NALCN: variants seen among roughly 807,000 people sequenced by gnomAD.
The protein encoded by NALCN is sodium leak channel, non-selective.
A neutral mutation model predicts 225.3 loss-of-function variants in NALCN; 111 were observed. The observed-to-expected ratio is 0.49, with a 90% CI of 0.42 to 0.58. NALCN has a LOEUF of 0.58. NALCN is among the 20% of genes least tolerant of loss of function. NALCN has a pLI of 0.00. For missense variants in NALCN, 1,378 were observed against 2,202.4 expected (o/e 0.63, Z 7.49); for synonymous variants, 764 against 769.0 (o/e 0.99, Z 0.11).
intron 26 of NALCN, among the ~76,000 whole-genome samples, chr13:101,101,679 A>G (rs2034830769): frequency 6.6e-6 from 1 of 152,168 alleles, no homozygotes; most frequent in Non-Finnish European, 1.5e-5. Context: ...TTCTATGCAT[A>G]GAGGAGAGGA....
intron 6 of NALCN, among the ~76,000 whole-genome samples, chr13:101,352,782 T>C (rs2045942618): frequency 6.6e-6 from 1 of 152,204 alleles, no homozygotes. Context: ...ATACCTATGA[T>C]AGGAATTTAT....
At chr13:101,311,274 G>A (rs1170041808) in intron 7 of NALCN, among the ~76,000 whole-genome samples, 2 of 151,714 alleles carry the variant, frequency 1.3e-5, no homozygotes, top group East Asian at 1.9e-4. Flanking sequence ...AGACAATGGG[G>A]TTTTCTAGAT....
At chr13:101,144,355 C>T (rs1207644006) in intron 16 of NALCN, among the ~76,000 whole-genome samples, 1 of 152,136 alleles carries the variant, frequency 6.6e-6, no homozygotes, top group Non-Finnish European at 1.5e-5. Flanking sequence ...TGTGGTTTCC[C>T]TGTTTGCTTG....
At chr13:101,361,276 G>A (rs114887065) in intron 6 of NALCN, among the ~76,000 whole-genome samples, 4,988 of 152,226 alleles carry the variant, frequency 0.033, 282 homozygotes, top group African/African-American at 0.11. Context: ...TATCGATTCT[G>A]TGGAGGCGGC....
chr13:101,347,919 C>T (rs1256678666), intron 6 of NALCN, among the ~76,000 whole-genome samples: 1 of 152,056 alleles, frequency 6.6e-6, no homozygotes, highest in Non-Finnish European at 1.5e-5. Context: ...TAAATCCCAG[C>T]ATGTAAAAAC....
chr13:101,354,926 T>A (rs1432637975), intron 6 of NALCN, among the ~76,000 whole-genome samples: 1 of 152,086 alleles, frequency 6.6e-6, no homozygotes, highest in Admixed American at 6.6e-5. Flanking sequence ...GCGCTGGAGG[T>A]GGGGCCTGGT....
intron 7 of NALCN, among the ~76,000 whole-genome samples, chr13:101,332,416 A>AAAAAAAAAAAAAAAAAAAG (rs1566585402): frequency 6.7e-6 from 1 of 149,140 alleles, no homozygotes. Context: ...AAAAAAAAAA[A>AAAAAAAAAAAAAAAAAAAG]AAAAGGAAAG....
chr13:101,406,641 C>T (rs1029030156), intron 1 of NALCN, among the ~76,000 whole-genome samples: 1 of 152,190 alleles, frequency 6.6e-6, no homozygotes, highest in Non-Finnish European at 1.5e-5. Context: ...TTTCTCACCA[C>T]ACACTTATAA....
chr13:101,337,563 C>T (rs2045421752), intron 7 of NALCN, among the ~76,000 whole-genome samples: 1 of 152,172 alleles, frequency 6.6e-6, no homozygotes, highest in South Asian at 2.1e-4. Flanking sequence ...CTGCCTCAGC[C>T]TCCCAAAGTG....
At chr13:101,413,102 T>C (rs781423038) in intron 1 of NALCN, among the ~76,000 whole-genome samples, 1 of 152,206 alleles carries the variant, frequency 6.6e-6, no homozygotes, top group African/African-American at 2.4e-5. Context: ...CAACACTTTT[T>C]GTAAAAGGGT....
At chr13:101,284,109 TC>T in intron 9 of NALCN, 90 bp from the exon 10 acceptor site, 1 of 1,116,198 alleles carries the variant, frequency 9.0e-7, no homozygotes, top group Non-Finnish European at 1.2e-6. Flanking sequence ...TTTTATGTTA[TC>T]AAAAATTTGT....
Position 101,267,422 on chromosome 13 carries a change from G to A in NALCN, c.1135-8848C>T, listed in dbSNP as rs76654671. On this transcript the variant is annotated intron_variant, in intron 10 of 43. Coordinates refer to ENST00000251127, the MANE Select transcript of NALCN (RefSeq NM_052867.4). ...CTCTTAGCCTGTGTGAAAAAACCCA[G>A]TGGCCTCCAATTGAATTCACCTCCC... 5.4e-3 allele frequency among the ~76,000 whole-genome samples: 826 copies of A among 152,258 alleles called. 2 individuals carry two copies. Among genetic ancestry groups the A allele is most frequent in the South Asian group, 1.0e-2 (48 of 4,820 alleles).
chr13:101,365,382 C>A (rs1294052100), intron 6 of NALCN, among the ~76,000 whole-genome samples: 5 of 152,244 alleles, frequency 3.3e-5, no homozygotes, highest in African/African-American at 1.2e-4. Context: ...TAGTCTCATT[C>A]TTTCTCATGG....
chr13:101,385,220 G>A (rs571756408), intron 3 of NALCN, among the ~76,000 whole-genome samples: 52 of 152,102 alleles, frequency 3.4e-4, no homozygotes, highest in African/African-American at 1.3e-3. Flanking sequence ...CCACTCCTTT[G>A]TGCCTCATAT....
At chr13:101,127,304 A>G (rs2036282411) in intron 17 of NALCN, among the ~76,000 whole-genome samples, 1 of 152,188 alleles carries the variant, frequency 6.6e-6, no homozygotes, top group African/African-American at 2.4e-5. Context: ...CAGAGGTAGC[A>G]GGAGAATCAA....
At chr13:101,135,876 GC>G (rs1301570828) in intron 17 of NALCN, among the ~76,000 whole-genome samples, 1 of 152,138 alleles carries the variant, frequency 6.6e-6, no homozygotes, top group Non-Finnish European at 1.5e-5. Flanking sequence ...TTTAGCAGCG[GC>G]CTTAACTCCT....
chr13:101,137,676 T>G (rs1343781718), intron 17 of NALCN, among the ~76,000 whole-genome samples: 3 of 152,126 alleles, frequency 2.0e-5, no homozygotes, highest in South Asian at 2.1e-4. Context: ...ATAAGGAAAT[T>G]GATCAGTAAT....
chr13:101,374,271 T>TC (rs2046621535), intron 6 of NALCN, among the ~76,000 whole-genome samples: 2 of 149,330 alleles, frequency 1.3e-5, no homozygotes, highest in Non-Finnish European at 3.0e-5. Context: ...TAAATTTCTT[T>TC]CTTTTTTTTT....
chr13:101,301,334 C>T (rs1264942267), intron 7 of NALCN, among the ~76,000 whole-genome samples: 4 of 152,208 alleles, frequency 2.6e-5, no homozygotes, highest in African/African-American at 9.6e-5. Flanking sequence ...TGGTCAGATA[C>T]CCCTCAGCCT....
Sources: gnomAD v4.1 joint callset for allele counts (sites outside exome capture counted in the v4.1 genomes callset) on GRCh38, gnomAD v4.1.1 for gene constraint, MANE v1.5 for transcripts, NCBI Gene and HGNC (gene_info 2026-07-23, HGNC 2026-07-21) for gene names.